The following HYDIN variants were observed in gnomAD, a reference collection of about 807,000 sequenced individuals.
HYDIN encodes HYDIN axonemal central pair apparatus protein.
Under a neutral mutation model 403.9 loss-of-function variants are expected in HYDIN, and 132 were observed. That is an observed-to-expected ratio of 0.33 (90% CI 0.28 to 0.38). HYDIN has a LOEUF of 0.38. Ranked by LOEUF, HYDIN falls within the 10% of genes least tolerant of loss-of-function variation. HYDIN has a pLI of 1.00. For missense variants in HYDIN, 2,827 were observed against 5,009.5 expected (o/e 0.56, Z 13.15); for synonymous variants, 1,202 against 1,891.7 (o/e 0.64, Z 9.46).
chr16:70,811,312 C>G (rs1399860001), intron 84 of HYDIN: 1 of 152,940 alleles, frequency 6.5e-6, no homozygotes, highest in African/African-American at 2.4e-5. Flanking sequence ...CAGCACACAC[C>G]TGTAGTCCTA....
intron 18 of HYDIN, among the ~76,000 whole-genome samples, chr16:71,047,450 G>C (rs1325482985): frequency 1.3e-5 from 2 of 151,806 alleles, no homozygotes; most frequent in Non-Finnish European, 2.9e-5. Context: ...TTGGGGGTGG[G>C]GGTGAGGGGC....
chr16:70,980,833 A>G (rs1356664784), intron 29 of HYDIN, among the ~76,000 whole-genome samples: 1 of 152,200 alleles, frequency 6.6e-6, no homozygotes, highest in Non-Finnish European at 1.5e-5. Flanking sequence ...GAGGTTCGGA[A>G]TCTGCCAAGA....
At position 70,955,439 on chromosome 16, in the gene HYDIN, G is replaced by A; in HGVS notation, c.6252C>T (p.Ile2084=). 6.2e-7 allele frequency: 1 copy of A among 1,614,084 alleles called. No individual in the cohort carries two copies. ...AVANSNNIPG[I]RARELCIRAA... ...CCCTGATGCAGAGCTCACGGGCCCG[G>A]ATCCCTGGGATGTTGTTGCTGTTGG... The change falls in exon 40 of 86, where the codon ATC becomes ATT. Residue 2084 remains isoleucine, a synonymous_variant. Transcript: ENST00000393567.
At chr16:71,191,070 C>T (rs2087412174) in intron 1 of HYDIN, among the ~76,000 whole-genome samples, 3 of 152,008 alleles carry the variant, frequency 2.0e-5, no homozygotes, top group Non-Finnish European at 4.4e-5. Flanking sequence ...CAAGAGTAGA[C>T]CTTGTTTGGA....
chr16:70,880,809 T>C (rs2040750302), intron 60 of HYDIN, among the ~76,000 whole-genome samples: 1 of 152,218 alleles, frequency 6.6e-6, no homozygotes, highest in Non-Finnish European at 1.5e-5. Flanking sequence ...TCCCTCTTGT[T>C]CTTAAACTGA....
At chr16:71,226,471 A>G (rs907696262) in intron 1 of HYDIN, among the ~76,000 whole-genome samples, 2 of 152,246 alleles carry the variant, frequency 1.3e-5, no homozygotes, top group African/African-American at 4.8e-5. Flanking sequence ...ACCCAAAGCT[A>G]TGAAAGTCTG....
At chr16:71,069,193 C>T in intron 14 of HYDIN, 74 bp downstream of exon 14, 1 of 1,488,564 alleles carries the variant, frequency 6.7e-7, no homozygotes. Context: ...TAGAGCAAAC[C>T]CTAGATGAGG....
intron 4 of HYDIN, among the ~76,000 whole-genome samples, chr16:71,176,088 G>C (rs1036872417): frequency 1.4e-4 from 20 of 140,718 alleles, no homozygotes; most frequent in African/African-American, 6.2e-4. Flanking sequence ...GGAGGATCAC[G>C]AGGTCAGGAG....
intron 18 of HYDIN, among the ~76,000 whole-genome samples, chr16:71,040,352 C>G (rs1019504504): frequency 4.7e-5 from 7 of 147,476 alleles, no homozygotes; most frequent in Admixed American, 2.0e-4. Context: ...TTTCAGTGAT[C>G]TGATCCTGCT....
intron 12 of HYDIN, chr16:71,087,867 T>C (rs2082976451): frequency 6.5e-6 from 1 of 154,606 alleles, no homozygotes; most frequent in African/African-American, 2.4e-5. Context: ...TTTACAATGC[T>C]TGGAGACATA....
rs368199321 is a variant in HYDIN at position 71,120,753 on chromosome 16, CA to C, written c.1228-4959del. Among the ~76,000 whole-genome samples the C allele has an allele frequency of 1.5e-3, 214 of 143,232 alleles. 1 individual carries two copies. The highest frequency in any genetic ancestry group is 4.5e-3 in the African/African-American group (177 of 39,118). The allele number at this position is 143,232 out of a possible 152,430, so 94.0% of individuals were successfully genotyped here. On this transcript the variant is annotated intron_variant, in intron 9 of 85. Transcript: ENST00000393567. ...TTTCTTACAAATCTTGCCCCCCTCC[CA>C]AAAAAAAAACCAAAGTGCAAGAACA... is the stretch of plus-strand genomic sequence containing the variant.
chr16:70,893,562 G>C (rs1418715975), intron 55 of HYDIN: 2 of 151,370 alleles, frequency 1.3e-5, no homozygotes, highest in Non-Finnish European at 2.9e-5. Context: ...CTGTTGCTGA[G>C]GCTGGAGTGC....
intron 13 of HYDIN, among the ~76,000 whole-genome samples, chr16:71,078,879 T>G (rs913378091): frequency 1.3e-5 from 2 of 152,236 alleles, no homozygotes; most frequent in Non-Finnish European, 2.9e-5. Context: ...ATCCTTTTCC[T>G]TCTTCAGGAA....
chr16:71,103,044 G>GT (rs2083503736), intron 10 of HYDIN, among the ~76,000 whole-genome samples: 1 of 146,198 alleles, frequency 6.8e-6, no homozygotes, highest in Admixed American at 7.1e-5. Context: ...TGTTATATAG[G>GT]TGTTTTAAAA....
intron 18 of HYDIN, among the ~76,000 whole-genome samples, chr16:71,059,181 TGTA>T (rs888502948): frequency 6.6e-6 from 1 of 152,212 alleles, no homozygotes; most frequent in Non-Finnish European, 1.5e-5. Flanking sequence ...TTGTTTTTGT[TGTA>T]GTTTCTTTTA....
At chr16:70,940,320 C>G (rs1056489288) in intron 43 of HYDIN, among the ~76,000 whole-genome samples, 1 of 151,428 alleles carries the variant, frequency 6.6e-6, no homozygotes, top group African/African-American at 2.4e-5. Flanking sequence ...GACTCAGACA[C>G]CTGCATTTGA....
chr16:70,980,623 G>C (rs1262977298), intron 29 of HYDIN, among the ~76,000 whole-genome samples: 1 of 151,460 alleles, frequency 6.6e-6, no homozygotes. Context: ...ATGAACAGGA[G>C]AGTTAGTAAC....
At chr16:71,149,481 G>GCA (rs2085449564) in intron 7 of HYDIN, among the ~76,000 whole-genome samples, 2 of 151,008 alleles carry the variant, frequency 1.3e-5, no homozygotes, top group East Asian at 1.9e-4. Context: ...ACACATACAC[G>GCA]CACACACACA....
At chr16:70,911,789 A>G (rs1397693868) in intron 47 of HYDIN, among the ~76,000 whole-genome samples, 2 of 151,318 alleles carry the variant, frequency 1.3e-5, no homozygotes, top group Non-Finnish European at 1.5e-5. Context: ...TTCTTTCAGC[A>G]GTGTTTTGTA....
Sources: allele counts gnomAD v4.1 joint callset (sites outside exome capture counted in the v4.1 genomes callset), GRCh38; gene constraint gnomAD v4.1.1; transcripts MANE v1.5; gene names NCBI Gene and HGNC (gene_info 2026-07-23, HGNC 2026-07-21).